The following BLVRB variants were observed in gnomAD, a reference collection of about 807,000 sequenced individuals.
BLVRB encodes the protein flavin reductase (NADPH).
BLVRB carries 25 observed loss-of-function variants against 21.1 expected under a neutral mutation model. That is an observed-to-expected ratio of 1.19 (90% CI 0.86 to 1.66). The LOEUF is 1.66. Among genes scored for constraint, BLVRB ranks in the 40% most tolerant of loss-of-function variants. The probability of loss-of-function intolerance (pLI) is 0.00; values close to 1 mark genes in which losing one functional copy is unlikely to be tolerated. For missense variants in BLVRB, 274 were observed against 282.7 expected, an observed-to-expected ratio of 0.97 and a Z score of 0.22; for synonymous variants, 128 against 122.2, an observed-to-expected ratio of 1.05 and a Z score of -0.31.
chr19:40,458,643 C>T (rs2079773609), intron 1 of BLVRB, 98 bp from the exon 2 acceptor site: 1 of 1,387,912 alleles, frequency 7.2e-7, no homozygotes, highest in Non-Finnish European at 9.5e-7. Flanking sequence ...TCAAATCCAT[C>T]CCCTCCTCTG....
intron 1 of BLVRB, among the ~76,000 whole-genome samples, chr19:40,463,102 C>A (rs1415694927): frequency 6.6e-6 from 1 of 152,098 alleles, no homozygotes; most frequent in Admixed American, 6.6e-5. Flanking sequence ...CTCATTGTAA[C>A]TCACAGTTTG....
At chr19:40,448,135 C>G in intron 4 of BLVRB, 89 bp from the exon 5 acceptor site, 1 of 1,432,908 alleles carries the variant, frequency 7.0e-7, no homozygotes. Context: ...TCCCAGGGTG[C>G]CTACTGTGTG....
intron 1 of BLVRB, among the ~76,000 whole-genome samples, chr19:40,462,892 CAAAAAAAAAA>C (rs56923063): frequency 2.0e-5 from 1 of 49,858 alleles, no homozygotes; most frequent in East Asian, 9.6e-4. Flanking sequence ...ACTCTTGTCT[CAAAAAAAAAA>C]AAAAAAAAAA....
chr19:40,454,735 C>T (rs1014884274), intron 3 of BLVRB, among the ~76,000 whole-genome samples: 6 of 151,940 alleles, frequency 3.9e-5, no homozygotes, highest in East Asian at 1.9e-4. Flanking sequence ...TTAGTAGAGA[C>T]GGTGTTTCAC....
intron 4 of BLVRB, among the ~76,000 whole-genome samples, chr19:40,449,940 C>T (rs2079731401): frequency 6.6e-6 from 1 of 152,044 alleles, no homozygotes; most frequent in South Asian, 2.1e-4. Flanking sequence ...TGGCTCACGC[C>T]TGTAATCCCA....
chr19:40,465,209 G>A (rs1002440785), intron 1 of BLVRB, among the ~76,000 whole-genome samples: 1 of 152,148 alleles, frequency 6.6e-6, no homozygotes, highest in East Asian at 1.9e-4. Context: ...TGTCAAGTAG[G>A]GTGATACTAG....
intron 1 of BLVRB, among the ~76,000 whole-genome samples, chr19:40,459,536 C>T (rs2079777786): frequency 2.6e-5 from 4 of 151,532 alleles, no homozygotes; most frequent in Admixed American, 1.3e-4. Flanking sequence ...CAACCTCCGC[C>T]TCCCGGGTTC....
At chr19:40,453,080 A>AG (rs2079747664) in intron 3 of BLVRB, among the ~76,000 whole-genome samples, 1 of 152,154 alleles carries the variant, frequency 6.6e-6, no homozygotes. Flanking sequence ...AAAGAAAAAA[A>AG]CATTTTTTTT....
rs1413482433 is a variant in BLVRB at position 40,447,794 on chromosome 19, C to T, written c.*95G>A. On this transcript the variant is annotated 3_prime_UTR_variant, in exon 5 of 5. Coordinates refer to ENST00000263368, the MANE Select transcript of BLVRB (RefSeq NM_000713.3). ...AGGAAGAGTCACACAGTCGGTTTCT[C>T]TAGAGTAATTTGAAGCTCTTGGCTC... 1.7e-5 allele frequency: 24 copies of T among 1,423,084 alleles called. No homozygotes were observed. The South Asian group carries it at 2.6e-4, about 15-fold the overall frequency. 88.2% of individuals were successfully genotyped at this position (1,423,084 alleles called of 1,614,324 possible).
rs142505402 is a variant in BLVRB, at chr19:40,458,237, C to T, written c.252G>A (p.Thr84=). The T allele has an allele frequency of 3.4e-5, 51 of 1,520,562 alleles. No individual in the cohort carries two copies. The Middle Eastern group carries it at 5.4e-4, about 16-fold the overall frequency. The allele number at this position is 1,520,562 out of a possible 1,614,324, so 94.2% of individuals were successfully genotyped here. ...TCCGGGCGCCCTCGGACATCACTGT[C>T]GTGGGACCTTAGAGGGGACAGAGAG... ...LLGTRNDLSP[T]TVMSEGARNI... is the part of the protein sequence containing the mutation. Residue 84 remains threonine, a synonymous_variant, in exon 3 of 5, where the codon ACG becomes ACA. Transcript: ENST00000263368.
At chr19:40,461,138 C>T (rs928644720) in intron 1 of BLVRB, among the ~76,000 whole-genome samples, 1 of 152,142 alleles carries the variant, frequency 6.6e-6, no homozygotes, top group African/African-American at 2.4e-5. Flanking sequence ...CTGGCATGGC[C>T]TCCCAAAGTG....
intron 1 of BLVRB, among the ~76,000 whole-genome samples, chr19:40,461,241 T>C (rs1261215967): frequency 6.6e-6 from 1 of 152,122 alleles, no homozygotes. Flanking sequence ...GGCCTACGTC[T>C]CCTTCCTGGT....
At chr19:40,464,951 C>T (rs2079804169) in intron 1 of BLVRB, among the ~76,000 whole-genome samples, 1 of 152,126 alleles carries the variant, frequency 6.6e-6, no homozygotes, top group African/African-American at 2.4e-5. Flanking sequence ...GCCCTCTCTC[C>T]TGGGGCAACT....
intron 1 of BLVRB, among the ~76,000 whole-genome samples, chr19:40,465,064 C>T (rs745394482): frequency 6.6e-6 from 1 of 152,132 alleles, no homozygotes; most frequent in African/African-American, 2.4e-5. Flanking sequence ...AGCAACCTGA[C>T]CCCCCAACTT....
At chr19:40,464,554 G>C (rs1009654850) in intron 1 of BLVRB, among the ~76,000 whole-genome samples, 5 of 152,170 alleles carry the variant, frequency 3.3e-5, no homozygotes, top group African/African-American at 1.2e-4. Context: ...GGAATTAGTG[G>C]ATTTCCAGGT....
chr19:40,463,927 C>T (rs1429213972), intron 1 of BLVRB, among the ~76,000 whole-genome samples: 2 of 151,896 alleles, frequency 1.3e-5, no homozygotes, highest in Non-Finnish European at 2.9e-5. Flanking sequence ...GCCACCATGC[C>T]CGGCTAATTT....
chr19:40,451,493 C>G lies in BLVRB; in HGVS notation c.335-1G>C, dbSNP rs1435658575. Reference sequence around the variant, plus strand: ...TTGGTAGGGTCCCAGAGCAGGAAAGCTGGAGGGAACACAGGGCAGGATCAG... The same window carrying G: ...TTGGTAGGGTCCCAGAGCAGGAAAGGTGGAGGGAACACAGGGCAGGATCAG... On this transcript the variant is annotated splice_acceptor_variant, in intron 3 of 4. Transcript: ENST00000263368. LOFTEE classifies it high-confidence loss of function. 3.1e-6 allele frequency: 5 copies of G among 1,606,270 alleles called. No individual in the cohort carries two copies. The South Asian group carries it at 5.5e-5, about 18-fold the overall frequency.
intron 1 of BLVRB, 149 bp from the exon 2 acceptor site, chr19:40,458,694 T>G (rs2079773856): frequency 9.2e-7 from 1 of 1,092,440 alleles, no homozygotes; most frequent in Non-Finnish European, 1.3e-6. Flanking sequence ...GTTTTTTCTT[T>G]TTGTTTGTTT....
chr19:40,465,735 G>C lies in BLVRB; in HGVS notation c.-47C>G. The stretch of plus-strand genomic sequence containing the variant: ...AAGGCCTCAGAGTCTCGGCACGCGC[G>C]GGAACCCACTGGCTGCTGGGCGGTG... On this transcript the variant is annotated 5_prime_UTR_variant, in exon 1 of 5. Transcript: ENST00000263368. The C allele has an allele frequency of 1.3e-6, 2 of 1,592,934 alleles. No homozygotes were observed. Among genetic ancestry groups the C allele is most frequent in the Non-Finnish European group, 1.7e-6 (2 of 1,165,762 alleles).
Sources: gnomAD v4.1 joint callset for allele counts (sites outside exome capture counted in the v4.1 genomes callset) on GRCh38, gnomAD v4.1.1 for gene constraint, MANE v1.5 for transcripts, NCBI Gene and HGNC (gene_info 2026-07-23, HGNC 2026-07-21) for gene names.